Variants in ATP1B1 observed in about 807,000 individuals in gnomAD.
The protein encoded by ATP1B1 is ATPase Na+/K+ transporting subunit beta 1.
A neutral mutation model predicts 39.6 loss-of-function variants in ATP1B1; 3 were observed. The observed-to-expected ratio is 0.08, with a 90% CI of 0.03 to 0.20. ATP1B1 has a LOEUF of 0.20. Among genes scored for constraint, ATP1B1 ranks in the 10% least tolerant of loss-of-function variants. The pLI is 1.00. For missense variants in ATP1B1, 216 were observed against 371.1 expected (o/e 0.58, Z 3.43); for synonymous variants, 139 against 135.0 (o/e 1.03, Z -0.20).
intron 1 of ATP1B1, chr1:169,110,506 G>A: frequency 1.9e-6 from 1 of 539,778 alleles, no homozygotes; most frequent in Non-Finnish European, 2.9e-6. Context: ...AGCTAATCAG[G>A]GAGATAATCC....
intron 1 of ATP1B1, chr1:169,110,818 AC>A: frequency 1.8e-6 from 1 of 554,618 alleles, no homozygotes; most frequent in Non-Finnish European, 2.7e-6. Context: ...AGTAAAAAAA[AC>A]AGGAGGATAT....
At chr1:169,108,624 A>C (rs1169482791) in intron 1 of ATP1B1, among the ~76,000 whole-genome samples, 1 of 152,168 alleles carries the variant, frequency 6.6e-6, no homozygotes, top group Non-Finnish European at 1.5e-5. Flanking sequence ...TCTCAGAATA[A>C]TACTTGCTTT....
intron 2 of ATP1B1, among the ~76,000 whole-genome samples, chr1:169,111,875 A>G (rs146012708): frequency 2.4e-3 from 368 of 152,170 alleles, no homozygotes; most frequent in African/African-American, 8.7e-3. Context: ...TCTAACAGAC[A>G]TTTTTTTACT....
At position 169,127,342 on chromosome 1, in the gene ATP1B1, T is replaced by C. The variant is rs1447269041; in HGVS notation, c.501T>C (p.Tyr167=). Reference sequence around the variant, plus strand: ...GCTCTGGATTAAATGATGAAACTTATGGCTACAAAGAGGGCAAACCGTGCA... The same window carrying C: ...GCTCTGGATTAAATGATGAAACTTACGGCTACAAAGAGGGCAAACCGTGCA... The part of the protein sequence containing the change: ...GNCSGLNDET[Y]GYKEGKPCII... Residue 167 remains tyrosine (Y), a synonymous_variant, in exon 4 of 6, where the codon TAT becomes TAC. Coordinates refer to ENST00000367815, the MANE Select transcript of ATP1B1 (RefSeq NM_001677.4). 7 of 1,612,592 alleles carry C rather than the reference T, an allele frequency of 4.3e-6. No homozygotes were observed. The highest frequency in any genetic ancestry group is 2.2e-5 in the East Asian group (1 of 44,814).
At chr1:169,115,777 C>A (rs910088647) in intron 2 of ATP1B1, among the ~76,000 whole-genome samples, 4 of 152,182 alleles carry the variant, frequency 2.6e-5, no homozygotes, top group African/African-American at 4.8e-5. Context: ...CCTTAGCTTT[C>A]CATGGAAATG....
At chr1:169,114,907 T>TG (rs944228300) in intron 2 of ATP1B1, among the ~76,000 whole-genome samples, 1 of 149,098 alleles carries the variant, frequency 6.7e-6, no homozygotes, top group African/African-American at 2.5e-5. Context: ...AAAAAAGGGG[T>TG]GGGGCCAGGA....
At chr1:169,127,941 A>T (rs1658124014) in intron 4 of ATP1B1, among the ~76,000 whole-genome samples, 2 of 152,198 alleles carry the variant, frequency 1.3e-5, no homozygotes, top group Non-Finnish European at 2.9e-5. Flanking sequence ...TAGAAGTTTA[A>T]CATCATCTAG....
chr1:169,115,557 C>T (rs970545544), intron 2 of ATP1B1, among the ~76,000 whole-genome samples: 3 of 151,984 alleles, frequency 2.0e-5, no homozygotes, highest in African/African-American at 7.3e-5. Flanking sequence ...CCATATTGGT[C>T]AGGTTGGTGT....
chr1:169,121,074 A>G (rs867738971), intron 2 of ATP1B1, among the ~76,000 whole-genome samples: 19 of 151,558 alleles, frequency 1.3e-4, no homozygotes, highest in African/African-American at 3.9e-4. Flanking sequence ...CAGCCTCCCA[A>G]GTAGCTGGGA....
At position 169,131,575 on chromosome 1, in the gene ATP1B1, C is replaced by T; in HGVS notation, c.*20C>T. 1 of 1,588,524 alleles carries T rather than the reference C, an allele frequency of 6.3e-7. No homozygotes were observed. The highest frequency in any genetic ancestry group is 8.5e-7 in the Non-Finnish European group (1 of 1,170,202). On this transcript the variant is annotated 3_prime_UTR_variant, in exon 6 of 6. Transcript: ENST00000367815. This position sits in a 1 kb window ranked among gnomAD's most constrained non-coding sequence, Gnocchi z 4.4. ...AGCTGATCACAAGCACAAATCTTTC[C>T]CACTAGCCATTTAATAAGTTAAAAA...
intron 1 of ATP1B1, 101 bp from the exon 2 acceptor site, chr1:169,111,269 C>G: frequency 6.7e-7 from 1 of 1,492,304 alleles, no homozygotes; most frequent in Non-Finnish European, 9.1e-7. Context: ...ATCATGGGAC[C>G]GGGGGAACCA....
chr1:169,113,481 T>C (rs1419606554), intron 2 of ATP1B1, among the ~76,000 whole-genome samples: 2 of 152,206 alleles, frequency 1.3e-5, no homozygotes, highest in African/African-American at 4.8e-5. Flanking sequence ...ATATAAACTT[T>C]GAGGAGTCAG....
intron 2 of ATP1B1, among the ~76,000 whole-genome samples, chr1:169,122,758 T>A (rs1658005487): frequency 8.4e-6 from 1 of 119,230 alleles, no homozygotes; most frequent in South Asian, 2.7e-4. Flanking sequence ...TTTTTTTTTT[T>A]TTTTTTTTTT....
intron 1 of ATP1B1, among the ~76,000 whole-genome samples, chr1:169,110,892 C>T (rs1297180724): frequency 6.6e-6 from 1 of 152,132 alleles, no homozygotes; most frequent in Non-Finnish European, 1.5e-5. Context: ...GGCATCTGAG[C>T]ATTTGGAGAA....
chr1:169,120,639 T>G (rs1275161148), intron 2 of ATP1B1, among the ~76,000 whole-genome samples: 4 of 152,202 alleles, frequency 2.6e-5, no homozygotes, highest in African/African-American at 9.7e-5. Flanking sequence ...TTCTGATGCT[T>G]CTGTAAGAGC....
Position 169,127,249 on chromosome 1 carries a change from A to T in ATP1B1, c.408A>T (p.Arg136=). ...CGDVPSEPKE[R]GDFNHERGER... ...ATGTGCCCAGTGAACCGAAAGAACG[A>T]GGAGACTTTAATCATGAACGAGGAG... Residue 136 remains arginine (R), a synonymous_variant, in exon 4 of 6, where the codon CGA becomes CGT. Transcript: ENST00000367815. 6.3e-7 allele frequency: 1 copy of T among 1,587,690 alleles called. No homozygotes were observed. Among genetic ancestry groups the T allele is most frequent in the Non-Finnish European group, 8.5e-7 (1 of 1,172,604 alleles).
intron 1 of ATP1B1, among the ~76,000 whole-genome samples, chr1:169,107,583 C>T (rs1361119208): frequency 6.6e-6 from 1 of 152,074 alleles, no homozygotes; most frequent in Non-Finnish European, 1.5e-5. Context: ...TGGTTGTTTT[C>T]AAGGTCTACA....
At chr1:169,113,379 A>G (rs1044063258) in intron 2 of ATP1B1, among the ~76,000 whole-genome samples, 1 of 152,062 alleles carries the variant, frequency 6.6e-6, no homozygotes, top group Non-Finnish European at 1.5e-5. Context: ...CTGCTGTTTT[A>G]TAATTCTTAT....
rs755703117 is a variant in ATP1B1 at position 169,131,504 on chromosome 1, G to A, written c.861G>A (p.Glu287=). ...KAYGENIGYS[E]KDRFQGRFDV... is the part of the protein sequence containing the mutation. ...ACGGTGAGAACATTGGGTACAGTGAGAAAGACCGTTTTCAGGGACGTTTTG... is the reference window on the plus strand; with the variant it reads ...ACGGTGAGAACATTGGGTACAGTGAAAAAGACCGTTTTCAGGGACGTTTTG... The change falls in exon 6 of 6, where the codon GAG becomes GAA. Residue 287 remains glutamate, a synonymous_variant. Coordinates refer to ENST00000367815, the MANE Select transcript of ATP1B1 (RefSeq NM_001677.4). This position sits in a 1 kb window ranked among gnomAD's most constrained non-coding sequence, Gnocchi z 4.4. The A allele has an allele frequency of 1.9e-6, 3 of 1,613,948 alleles. No homozygotes were observed. The Admixed American group carries it at 5.0e-5, about 27-fold the overall frequency.
Sources: gnomAD v4.1 joint callset for allele counts (sites outside exome capture counted in the v4.1 genomes callset) on GRCh38, gnomAD v4.1.1 for gene constraint, Gnocchi (gnomAD v3.1) non-coding constraint, MANE v1.5 for transcripts, NCBI Gene and HGNC (gene_info 2026-07-23, HGNC 2026-07-21) for gene names.